ABCA12: variants seen among roughly 807,000 people sequenced by gnomAD.
ABCA12 encodes glucosylceramide transporter ABCA12.
ABCA12 carries 156 observed loss-of-function variants against 293.5 expected under a neutral mutation model. The observed-to-expected ratio is 0.53, with a 90% CI of 0.47 to 0.61. The LOEUF (loss-of-function observed/expected upper bound fraction) is 0.61, where lower values mean the gene tolerates loss of function less well. Among genes scored for constraint, ABCA12 ranks in the 20% least tolerant of loss-of-function variants. The pLI is 0.00. For missense variants in ABCA12, 2,797 were observed against 3,090.2 expected, an observed-to-expected ratio of 0.91 and a Z score of 2.25; for synonymous variants, 1,063 against 1,108.0, an observed-to-expected ratio of 0.96 and a Z score of 0.81.
At chr2:214,944,088 G>C (rs779665340) in intron 49 of ABCA12, among the ~76,000 whole-genome samples, 1 of 152,090 alleles carries the variant, frequency 6.6e-6, no homozygotes, top group Non-Finnish European at 1.5e-5. Context: ...GGAAGGACTG[G>C]TAAGATTAGA....
rs527789869 is a variant in ABCA12, at chr2:215,069,419, A to G, written c.164-5200T>C. ...ATCAAATACCTAAATGTGAATTTTC[A>G]AAGCATAGGAAAGGAAATGAATCTT... On this transcript the variant is annotated intron_variant, in intron 2 of 52. Coordinates refer to ENST00000272895, the MANE Select transcript of ABCA12 (RefSeq NM_173076.3). Among the ~76,000 whole-genome samples, 11 of 152,316 alleles carry G rather than the reference A, an allele frequency of 7.2e-5. No homozygotes were observed. In the East Asian group the frequency reaches 2.1e-3, roughly 29 times the overall value.
At chr2:215,074,734 G>A (rs1701801394) in intron 2 of ABCA12, among the ~76,000 whole-genome samples, 1 of 152,100 alleles carries the variant, frequency 6.6e-6, no homozygotes, top group Non-Finnish European at 1.5e-5. Flanking sequence ...ATGAGGTCAG[G>A]AGATCGAGAA....
intron 3 of ABCA12, among the ~76,000 whole-genome samples, chr2:215,059,716 A>G (rs1264237113): frequency 6.6e-6 from 1 of 151,914 alleles, no homozygotes. Flanking sequence ...GGAGAAGGAG[A>G]TAACACCACT....
At chr2:215,108,173 A>G (rs1222658482) in intron 2 of ABCA12, among the ~76,000 whole-genome samples, 4 of 152,200 alleles carry the variant, frequency 2.6e-5, no homozygotes, top group African/African-American at 7.2e-5. Context: ...TTTTAACTCT[A>G]TTAAAGAGGA....
intron 2 of ABCA12, among the ~76,000 whole-genome samples, chr2:215,078,953 G>A (rs1701885519): frequency 6.6e-6 from 1 of 152,116 alleles, no homozygotes; most frequent in African/African-American, 2.4e-5. Context: ...AAAAGAAAGT[G>A]GGATGTGAAT....
At chr2:215,100,012 CT>C (rs1236588521) in intron 2 of ABCA12, among the ~76,000 whole-genome samples, 1 of 141,786 alleles carries the variant, frequency 7.1e-6, no homozygotes, top group Non-Finnish European at 1.5e-5. Flanking sequence ...CTCTCTCTCT[CT>C]CTCTTTTTTT....
chr2:215,036,750 C>A (rs1047478623), intron 8 of ABCA12, among the ~76,000 whole-genome samples: 1 of 152,036 alleles, frequency 6.6e-6, no homozygotes, highest in Non-Finnish European at 1.5e-5. Context: ...ACTAAAAACC[C>A]TAGAAAGCCA....
At chr2:214,963,341 T>C (rs1007119208) in intron 39 of ABCA12, 2 of 151,944 alleles carry the variant, frequency 1.3e-5, no homozygotes, top group African/African-American at 4.8e-5. Context: ...TCTGGACACA[T>C]ATACCCTCCC....
intron 23 of ABCA12, among the ~76,000 whole-genome samples, chr2:214,996,283 T>C (rs1053501663): frequency 6.6e-6 from 1 of 152,226 alleles, no homozygotes; most frequent in Non-Finnish European, 1.5e-5. Flanking sequence ...TGTGTGTGTA[T>C]TATATACACA....
intron 24 of ABCA12, 122 bp from the exon 25 acceptor site, chr2:214,989,743 G>T: frequency 9.4e-7 from 1 of 1,058,312 alleles, no homozygotes; most frequent in Non-Finnish European, 1.4e-6. Flanking sequence ...CATTCTCTAA[G>T]CATATTTAAA....
At chr2:214,999,925 A>G (rs1700106018) in intron 22 of ABCA12, 1 of 609,846 alleles carries the variant, frequency 1.6e-6, no homozygotes, top group Non-Finnish European at 2.1e-6. Flanking sequence ...TCTGAATTGT[A>G]TATAAACTGC....
chr2:215,093,148 G>A (rs998595029), intron 2 of ABCA12, among the ~76,000 whole-genome samples: 43 of 152,012 alleles, frequency 2.8e-4, no homozygotes, highest in African/African-American at 9.9e-4. Context: ...CCCCTCCAAA[G>A]CCCAGATATC....
chr2:214,933,616 T>C (rs953769983), intron 52 of ABCA12, among the ~76,000 whole-genome samples: 6 of 107,324 alleles, frequency 5.6e-5, no homozygotes, highest in Non-Finnish European at 1.1e-4. Flanking sequence ...ACAGATGATG[T>C]ACGTTGAACG....
At chr2:215,069,662 CT>C (rs1701700062) in intron 2 of ABCA12, among the ~76,000 whole-genome samples, 1 of 152,116 alleles carries the variant, frequency 6.6e-6, no homozygotes, top group African/African-American at 2.4e-5. Context: ...AGTCTACTTA[CT>C]GAGGGGAGGT....
intron 15 of ABCA12, among the ~76,000 whole-genome samples, chr2:215,013,935 CT>C (rs1228782004): frequency 6.6e-6 from 1 of 152,196 alleles, no homozygotes; most frequent in East Asian, 1.9e-4. Context: ...AATCCCAGCA[CT>C]TTGGGAGGCC....
intron 51 of ABCA12, among the ~76,000 whole-genome samples, chr2:214,936,283 G>A (rs1487791780): frequency 6.6e-6 from 1 of 152,168 alleles, no homozygotes; most frequent in African/African-American, 2.4e-5. Context: ...AAAGCATAGT[G>A]TATACCAGAT....
chr2:214,988,321 A>G (rs1699832422), intron 26 of ABCA12, among the ~76,000 whole-genome samples: 1 of 152,204 alleles, frequency 6.6e-6, no homozygotes, highest in African/African-American at 2.4e-5. Context: ...GTAAGTGTAC[A>G]GGTAGATAAG....
At position 214,970,304 on chromosome 2, in the gene ABCA12, T is replaced by G; in HGVS notation, c.5659A>C (p.Ile1887Leu). The G allele has an allele frequency of 6.2e-7, 1 of 1,613,082 alleles. No individual in the cohort carries two copies. The highest frequency in any genetic ancestry group is 1.7e-5 in the Admixed American group (1 of 59,962). The change falls in exon 37 of 53, where the codon ATA (isoleucine) becomes CTA (leucine). Residue 1887 changes from isoleucine (I) to leucine (L), a missense_variant. Ile to Leu is a conservative substitution (Grantham distance 5). Around this residue, in one of 3 missense-constraint regions of ABCA12, gnomAD observed 2,130 missense variants for 2,427.0 expected, o/e 0.88. Coordinates refer to ENST00000272895, the MANE Select transcript of ABCA12 (RefSeq NM_173076.3). ...TGGACAAACTCATTTGCAGTTGATA[T>G]AAGATAATTTTCCACTCGTTGCCCA... ...LTGQRVENYL[I>L]STANEFVQKR...
At chr2:214,980,705 C>T in intron 30 of ABCA12, 62 bp from the exon 31 acceptor site, 1 of 1,590,750 alleles carries the variant, frequency 6.3e-7, no homozygotes, top group Non-Finnish European at 8.6e-7. Context: ...CCAAGACACA[C>T]AGAGTTGGCC....
Sources: gnomAD v4.1 joint callset for allele counts (sites outside exome capture counted in the v4.1 genomes callset) on GRCh38, gnomAD v4.1.1 for gene constraint, gnomAD v4.1.1 regional missense constraint, MANE v1.5 for transcripts, NCBI Gene and HGNC (gene_info 2026-07-23, HGNC 2026-07-21) for gene names.